Variants in MMAA observed in about 807,000 individuals in gnomAD.
The protein encoded by MMAA is metabolism of cobalamin associated A.
A neutral mutation model predicts 45.0 loss-of-function variants in MMAA; 41 were observed. The ratio of observed to expected loss-of-function variants is 0.91; its 90% confidence interval spans 0.71 to 1.18. The LOEUF is 1.18. MMAA is among the 50% of genes most tolerant of loss of function. The probability of loss-of-function intolerance (pLI) is 0.00; values close to 1 mark genes in which losing one functional copy is unlikely to be tolerated. For missense variants in MMAA, 460 were observed against 495.7 expected, an observed-to-expected ratio of 0.93 and a Z score of 0.68; for synonymous variants, 154 against 178.2, an observed-to-expected ratio of 0.86 and a Z score of 1.08.
chr4:145,643,636 A>G (rs1174325395), intron 3 of MMAA, among the ~76,000 whole-genome samples: 1 of 152,204 alleles, frequency 6.6e-6, no homozygotes, highest in African/African-American at 2.4e-5. Context: ...AGTTAACTGT[A>G]AAATAAAATT....
chr4:145,652,497 G>A (rs931014820), intron 5 of MMAA, among the ~76,000 whole-genome samples: 5 of 152,082 alleles, frequency 3.3e-5, no homozygotes, highest in Admixed American at 3.3e-4. Context: ...GGGAGGCCGA[G>A]GTGGGCGGAT....
At chr4:145,649,126 A>G (rs1452770457) in intron 4 of MMAA, among the ~76,000 whole-genome samples, 1 of 84,952 alleles carries the variant, frequency 1.2e-5, no homozygotes, top group African/African-American at 7.3e-5. Flanking sequence ...TGGTTCTATC[A>G]AAAAAAAAAA....
chr4:145,620,070 C>G (rs191716249), intron 1 of MMAA, among the ~76,000 whole-genome samples: 3 of 152,246 alleles, frequency 2.0e-5, no homozygotes, highest in Admixed American at 2.0e-4. Flanking sequence ...GTTTAGAAAA[C>G]ATAAACTAAT....
intron 1 of MMAA, among the ~76,000 whole-genome samples, chr4:145,631,593 T>A (rs539778973): frequency 1.3e-5 from 2 of 152,282 alleles, no homozygotes; most frequent in South Asian, 2.1e-4. Context: ...TTATTTTTTT[T>A]ATCCATTCCA....
chr4:145,648,288 C>G (rs1727995219), intron 4 of MMAA, among the ~76,000 whole-genome samples: 1 of 151,790 alleles, frequency 6.6e-6, no homozygotes, highest in Admixed American at 6.6e-5. Flanking sequence ...GCTGGGAATA[C>G]AGATGCACGC....
intron 1 of MMAA, among the ~76,000 whole-genome samples, chr4:145,619,916 G>C (rs562666234): frequency 6.6e-6 from 1 of 152,270 alleles, no homozygotes; most frequent in Non-Finnish European, 1.5e-5. Context: ...GTCACATGGC[G>C]TGCCGGGCAG....
chr4:145,628,159 A>G (rs1309988731), intron 1 of MMAA, among the ~76,000 whole-genome samples: 1 of 152,254 alleles, frequency 6.6e-6, no homozygotes, highest in Non-Finnish European at 1.5e-5. Flanking sequence ...TAATTAAATC[A>G]TGAGTAGTTA....
At chr4:145,624,658 CTT>C in intron 1 of MMAA, 1 of 1,453,718 alleles carries the variant, frequency 6.9e-7, no homozygotes, top group Non-Finnish European at 9.5e-7. Flanking sequence ...TTCAGGGAAT[CTT>C]TATGTTTCTC....
intron 1 of MMAA, chr4:145,625,737 T>C (rs559421830): frequency 7.6e-6 from 11 of 1,440,718 alleles, no homozygotes; most frequent in African/African-American, 1.4e-5. Context: ...AATAAGACAA[T>C]TGAACTGGCC....
intron 1 of MMAA, among the ~76,000 whole-genome samples, chr4:145,621,630 T>C (rs1028929856): frequency 6.6e-6 from 1 of 152,192 alleles, no homozygotes; most frequent in Non-Finnish European, 1.5e-5. Context: ...TAATGGCATT[T>C]GACAGCTTAT....
chr4:145,639,334 A>G lies in MMAA; in HGVS notation c.195A>G (p.Leu65=). The change falls in exon 2 of 7, where the codon TTA becomes TTG. Residue 65 remains leucine (L), a synonymous_variant. Transcript: ENST00000649156. ...TGTCAGATGGCTTAAAGAGAAAATTATGTGTACAAACAACCTTAAAGGACC... is the reference window on the plus strand; with the variant it reads ...TGTCAGATGGCTTAAAGAGAAAATTGTGTGTACAAACAACCTTAAAGGACC... ...MLLSDGLKRK[L]CVQTTLKDHT... is the part of the protein sequence containing the mutation. 1 of 1,614,228 alleles carries G rather than the reference A, an allele frequency of 6.2e-7. No individual in the cohort carries two copies. Among genetic ancestry groups the G allele is most frequent in the Non-Finnish European group, 8.5e-7 (1 of 1,180,036 alleles).
chr4:145,634,717 T>C (rs1354271857), intron 1 of MMAA, among the ~76,000 whole-genome samples: 1 of 151,962 alleles, frequency 6.6e-6, no homozygotes, highest in African/African-American at 2.4e-5. Context: ...CAAGGCCCTC[T>C]ATGTAGTACC....
At chr4:145,650,800 A>G in intron 4 of MMAA, 1 of 491,162 alleles carries the variant, frequency 2.0e-6, no homozygotes, top group South Asian at 2.5e-5. Flanking sequence ...GAGCTGTGAG[A>G]GTGAGGAGAG....
At chr4:145,634,284 C>T (rs1029592342) in intron 1 of MMAA, among the ~76,000 whole-genome samples, 2 of 152,184 alleles carry the variant, frequency 1.3e-5, no homozygotes, top group Non-Finnish European at 2.9e-5. Flanking sequence ...AAGGCAGCAT[C>T]CTTCCCATTC....
intron 1 of MMAA, among the ~76,000 whole-genome samples, chr4:145,621,684 G>A (rs1051950046): frequency 5.9e-5 from 9 of 152,168 alleles, no homozygotes. Flanking sequence ...GAAACACTTG[G>A]TACAACACTG....
chr4:145,652,016 G>A (rs1421322620), intron 5 of MMAA, among the ~76,000 whole-genome samples: 11 of 152,040 alleles, frequency 7.2e-5, no homozygotes, highest in Admixed American at 2.0e-4. Flanking sequence ...CAGTTCCTCC[G>A]TGGCCTGGGG....
intron 6 of MMAA, 116 bp downstream of exon 6, chr4:145,654,259 G>C: frequency 7.8e-7 from 1 of 1,285,050 alleles, no homozygotes; most frequent in South Asian, 1.2e-5. Flanking sequence ...GAAGATGATA[G>C]TTTTAAAAAT....
At chr4:145,642,258 T>TA in intron 2 of MMAA, 105 bp from the exon 3 acceptor site, 1 of 1,271,900 alleles carries the variant, frequency 7.9e-7, no homozygotes, top group South Asian at 1.2e-5. Context: ...GTGGTTTTAA[T>TA]ACATTAGGGG....
At chr4:145,644,515 G>C (rs1328620116) in intron 3 of MMAA, among the ~76,000 whole-genome samples, 2 of 152,182 alleles carry the variant, frequency 1.3e-5, no homozygotes, top group African/African-American at 4.8e-5. Context: ...ATTCAGATTA[G>C]AACAGCAGTA....
Sources: gnomAD v4.1 joint callset for allele counts (sites outside exome capture counted in the v4.1 genomes callset) on GRCh38, gnomAD v4.1.1 for gene constraint, MANE v1.5 for transcripts, NCBI Gene and HGNC (gene_info 2026-07-23, HGNC 2026-07-21) for gene names.